STPG4: variants seen among roughly 807,000 people sequenced by gnomAD.
STPG4 encodes sperm-tail PG-rich repeat containing 4.
A neutral mutation model predicts 31.5 loss-of-function variants in STPG4; 41 were observed. The ratio of observed to expected loss-of-function variants is 1.30; its 90% CI spans 1.01 to 1.69. The LOEUF (loss-of-function observed/expected upper bound fraction) is 1.69, where lower values mean the gene tolerates loss of function less well. STPG4 is among the 40% of genes most tolerant of loss of function. The pLI is 0.00. For missense variants in STPG4, 375 were observed against 293.4 expected, an observed-to-expected ratio of 1.28 and a Z score of -2.03; for synonymous variants, 141 against 103.0, an observed-to-expected ratio of 1.37 and a Z score of -2.24.
chr2:47,089,166 G>C (rs151036788), intron 6 of STPG4, among the ~76,000 whole-genome samples: 25 of 152,336 alleles, frequency 1.6e-4, no homozygotes, highest in Middle Eastern at 3.4e-3. Context: ...AGTTTGGTTA[G>C]CATGACTCAG....
intron 5 of STPG4, among the ~76,000 whole-genome samples, chr2:47,098,133 G>A (rs35733445): frequency 8.6e-5 from 13 of 152,018 alleles, no homozygotes; most frequent in African/African-American, 2.2e-4. Context: ...CTGAATTCTC[G>A]TTTACAGACA....
At chr2:47,139,199 T>G (rs990458798) in intron 3 of STPG4, among the ~76,000 whole-genome samples, 3 of 152,242 alleles carry the variant, frequency 2.0e-5, no homozygotes, top group Admixed American at 1.3e-4. Flanking sequence ...GTATTTATAC[T>G]GAAGTCATCT....
At chr2:47,148,933 A>C (rs1334050724) in intron 3 of STPG4, among the ~76,000 whole-genome samples, 1 of 152,354 alleles carries the variant, frequency 6.6e-6, no homozygotes, top group Non-Finnish European at 1.5e-5. Flanking sequence ...GAAAGATATA[A>C]AATGAATATT....
chr2:47,124,029 C>G (rs937475190), intron 5 of STPG4, among the ~76,000 whole-genome samples: 1 of 152,116 alleles, frequency 6.6e-6, no homozygotes, highest in Non-Finnish European at 1.5e-5. Context: ...GTTGCCCATT[C>G]TGGTGTGCAG....
intron 5 of STPG4, among the ~76,000 whole-genome samples, chr2:47,101,155 G>A (rs182210739): frequency 8.6e-5 from 13 of 151,742 alleles, no homozygotes; most frequent in South Asian, 2.1e-4. Flanking sequence ...GCTAAATACC[G>A]GGCACCTGTC....
At chr2:47,090,692 C>T (rs1195173314) in intron 5 of STPG4, among the ~76,000 whole-genome samples, 1 of 152,252 alleles carries the variant, frequency 6.6e-6, no homozygotes, top group African/African-American at 2.4e-5. Context: ...CGTTCCCTCA[C>T]AGCAGCATGC....
chr2:47,109,943 TTGTATC>T (rs1218890903), intron 5 of STPG4, among the ~76,000 whole-genome samples: 2 of 151,976 alleles, frequency 1.3e-5, no homozygotes, highest in Admixed American at 6.5e-5. Flanking sequence ...TAACGACCAT[TTGTATC>T]TGTACAGACT....
chr2:47,120,566 C>CA (rs61561895), intron 5 of STPG4, among the ~76,000 whole-genome samples: 35 of 148,634 alleles, frequency 2.4e-4, no homozygotes, highest in African/African-American at 7.7e-4. Context: ...GACTCCGTCT[C>CA]AAAAAAAAAA....
chr2:47,090,456 C>A, intron 5 of STPG4, 82 bp from the exon 6 acceptor site: 2 of 879,134 alleles, frequency 2.3e-6, no homozygotes, highest in Middle Eastern at 2.6e-4. Flanking sequence ...TACAAATAAA[C>A]ATATGAATCA....
At chr2:47,092,521 C>CAAAAAAAGAAAA (rs1553422712) in intron 5 of STPG4, among the ~76,000 whole-genome samples, 1 of 117,292 alleles carries the variant, frequency 8.5e-6, no homozygotes, top group Non-Finnish European at 1.7e-5. Flanking sequence ...GAATGAGACC[C>CAAAAAAAGAAAA]AAGAAAAGAA....
chr2:47,087,084 T>A lies in STPG4; in HGVS notation c.671A>T (p.Lys224Met). The change falls in exon 7 of 7, where the codon AAG becomes ATG. Residue 224 changes from lysine to methionine, a missense_variant. By Grantham distance (95) the Lys-to-Met change is moderately conservative. Transcript: ENST00000445927. ...GAYTTLRQFP[K>M]QSPTIAKMGQ... The stretch of plus-strand genomic sequence containing the variant: ...CATTTTGGCTATGGTCGGAGACTGC[T>A]TAGGGAATTGTCTTAAAGTTGTATA... 6.4e-7 allele frequency: 1 copy of A among 1,551,832 alleles called. No individual in the cohort carries two copies. Among genetic ancestry groups the A allele is most frequent in the Middle Eastern group, 1.7e-4 (1 of 5,992 alleles).
chr2:47,131,626 G>A (rs1025786671), intron 3 of STPG4, among the ~76,000 whole-genome samples: 3 of 152,170 alleles, frequency 2.0e-5, no homozygotes, highest in Non-Finnish European at 4.4e-5. Context: ...ACAGATTGAA[G>A]ATATGGGGGT....
intron 5 of STPG4, among the ~76,000 whole-genome samples, chr2:47,093,094 C>T (rs1685604090): frequency 1.3e-5 from 2 of 152,322 alleles, no homozygotes; most frequent in Admixed American, 1.3e-4. Flanking sequence ...CCCGGCCCTT[C>T]CACAGGATTT....
At chr2:47,127,250 T>A (rs13002754) in intron 5 of STPG4, among the ~76,000 whole-genome samples, 2 of 100,510 alleles carry the variant, frequency 2.0e-5, no homozygotes, top group African/African-American at 3.9e-5. Context: ...TTCAAGCTAA[T>A]TCTTTTTTTT....
chr2:47,095,057 T>C (rs370054716), intron 5 of STPG4, among the ~76,000 whole-genome samples: 2 of 152,214 alleles, frequency 1.3e-5, no homozygotes, highest in Non-Finnish European at 2.9e-5. Context: ...TGAGAGTAGA[T>C]GAAACTGTCC....
At chr2:47,104,368 A>C (rs56022104) in intron 5 of STPG4, among the ~76,000 whole-genome samples, 22,375 of 152,002 alleles carry the variant, frequency 0.15, 1,868 homozygotes, top group Non-Finnish European at 0.16. Flanking sequence ...TCTGGGAGTA[A>C]AAAAACCAAA....
At chr2:47,116,353 T>TAACAA (rs1273789547) in intron 5 of STPG4, among the ~76,000 whole-genome samples, 1 of 152,246 alleles carries the variant, frequency 6.6e-6, no homozygotes, top group Non-Finnish European at 1.5e-5. Context: ...TTAACATTCA[T>TAACAA]TGTTGTAGAG....
rs145632105 is a variant in STPG4, at chr2:47,109,354, C to G, written c.520-18980G>C. Reference sequence around the variant, plus strand: ...GGCAGATCACCTGAACTCAGGAGTTCAAGACCAGCCTGGCCAACATGGTGA... The same window carrying G: ...GGCAGATCACCTGAACTCAGGAGTTGAAGACCAGCCTGGCCAACATGGTGA... On this transcript the variant is annotated intron_variant, in intron 5 of 6. Coordinates refer to ENST00000445927, the MANE Select transcript of STPG4 (RefSeq NM_001163561.2). Among the ~76,000 whole-genome samples, 4 of 152,044 alleles carry G rather than the reference C, an allele frequency of 2.6e-5. No homozygotes were observed. The South Asian group carries it at 8.3e-4, about 32-fold the overall frequency.
chr2:47,139,333 C>A (rs535574134), intron 3 of STPG4, among the ~76,000 whole-genome samples: 19 of 152,092 alleles, frequency 1.2e-4, no homozygotes, highest in Non-Finnish European at 1.9e-4. Context: ...TAAGTAATGC[C>A]CCTCTTCATC....
Sources: gnomAD v4.1 joint callset for allele counts (sites outside exome capture counted in the v4.1 genomes callset) on GRCh38, gnomAD v4.1.1 for gene constraint, MANE v1.5 for transcripts, NCBI Gene and HGNC (gene_info 2026-07-23, HGNC 2026-07-21) for gene names.